Variants in PFDN4 observed in about 807,000 individuals in gnomAD.
The protein encoded by PFDN4 is prefoldin 4.
A neutral mutation model predicts 17.6 loss-of-function variants in PFDN4; 6 were observed. The ratio of observed to expected loss-of-function variants is 0.34; its 90% CI spans 0.19 to 0.67. The LOEUF is 0.67. PFDN4 is among the 30% of genes least tolerant of loss of function. The pLI is 0.68. For synonymous variants in PFDN4, 48 were observed against 51.1 expected (o/e 0.94, Z 0.26); for missense variants, 119 against 158.4 (o/e 0.75, Z 1.33).
intron 2 of PFDN4, 147 bp from the exon 3 acceptor site, chr20:54,215,153 A>G (rs2092760945): frequency 1.9e-6 from 1 of 528,942 alleles, no homozygotes; most frequent in Non-Finnish European, 3.4e-6. Flanking sequence ...TCTTCTAAAA[A>G]GTTACAAATT....
chr20:54,211,605 G>A (rs1219351760), intron 1 of PFDN4, among the ~76,000 whole-genome samples: 1 of 152,160 alleles, frequency 6.6e-6, no homozygotes, highest in Non-Finnish European at 1.5e-5. Flanking sequence ...CAAGGTTCCT[G>A]TTTGCTTGGA....
chr20:54,216,806 A>G (rs528653651), intron 3 of PFDN4, among the ~76,000 whole-genome samples: 21 of 151,614 alleles, frequency 1.4e-4, no homozygotes, highest in Admixed American at 8.6e-4. Flanking sequence ...ACAGGCGCCC[A>G]CCACCACGCC....
At chr20:54,212,777 G>T (rs756453006) in intron 1 of PFDN4, among the ~76,000 whole-genome samples, 6 of 152,264 alleles carry the variant, frequency 3.9e-5, no homozygotes, top group Non-Finnish European at 7.3e-5. Context: ...TTTGCGTAGG[G>T]AATTGACAGT....
At chr20:54,216,643 AT>A (rs2092762836) in intron 3 of PFDN4, among the ~76,000 whole-genome samples, 1 of 151,320 alleles carries the variant, frequency 6.6e-6, no homozygotes, top group Non-Finnish European at 1.5e-5. Context: ...CTTTTATTTT[AT>A]TTTATTTATT....
intron 1 of PFDN4, among the ~76,000 whole-genome samples, chr20:54,212,743 C>A (rs2092757649): frequency 6.6e-6 from 1 of 152,246 alleles, no homozygotes; most frequent in African/African-American, 2.4e-5. Context: ...CAAACAGGAA[C>A]TCTTCAGAAT....
chr20:54,219,681 C>A lies in PFDN4; in HGVS notation c.*531C>A, dbSNP rs2092767242. 1 of 397,764 alleles carries A rather than the reference C, an allele frequency of 2.5e-6. No homozygotes were observed. The highest frequency in any genetic ancestry group is 4.4e-6 in the Non-Finnish European group (1 of 225,840). The allele number at this position is 397,764 out of a possible 1,614,324, so 24.6% of individuals were successfully genotyped here. ...TATTTAACATTTTTTACATATCTATCAATATCAGAGATTTGGGTAAAAGAA... is the reference window on the plus strand; with the variant it reads ...TATTTAACATTTTTTACATATCTATAAATATCAGAGATTTGGGTAAAAGAA... On this transcript the variant is annotated 3_prime_UTR_variant, in exon 4 of 4. Transcript: ENST00000371419.
chr20:54,214,758 C>T (rs113330781), intron 2 of PFDN4, among the ~76,000 whole-genome samples: 1 of 152,168 alleles, frequency 6.6e-6, no homozygotes, highest in African/African-American at 2.4e-5. Context: ...AATGAGGAAG[C>T]CACCCTTGCA....
At chr20:54,215,651 A>G (rs908669815) in intron 3 of PFDN4, among the ~76,000 whole-genome samples, 2 of 152,358 alleles carry the variant, frequency 1.3e-5, no homozygotes, top group Non-Finnish European at 2.9e-5. Context: ...AGAGGCTTAG[A>G]GAGGTTATGG....
chr20:54,212,477 A>G (rs1013376245), intron 1 of PFDN4, among the ~76,000 whole-genome samples: 1 of 152,224 alleles, frequency 6.6e-6, no homozygotes, highest in Non-Finnish European at 1.5e-5. Context: ...ACAACAGGAA[A>G]TTCCTGCTTT....
Position 54,215,305 on chromosome 20 carries a change from A to G in PFDN4, c.138A>G (p.Gln46=), listed in dbSNP as rs776127127. 2.0e-5 allele frequency: 31 copies of G among 1,571,844 alleles called. No individual in the cohort carries two copies. The highest frequency in any genetic ancestry group is 2.6e-5 in the Non-Finnish European group (30 of 1,156,644). ...LKEEIEVKKK[Q]LQNLEDACDD... ...TTGCCATTTTGCATTTATAGAAACAACTCCAAAACCTAGAAGATGCTTGTG... is the reference window on the plus strand; with the variant it reads ...TTGCCATTTTGCATTTATAGAAACAGCTCCAAAACCTAGAAGATGCTTGTG... The change falls in exon 3 of 4, where the codon CAA becomes CAG. Residue 46 remains glutamine, a synonymous_variant. Transcript: ENST00000371419.
chr20:54,213,504 G>A lies in PFDN4; in HGVS notation c.25-847G>A, dbSNP rs149911389. Among the ~76,000 whole-genome samples the A allele has an allele frequency of 4.8e-3, 729 of 152,176 alleles. 5 individuals are homozygous for A. The highest frequency in any genetic ancestry group is 8.1e-3 in the Non-Finnish European group (550 of 68,018). ...TGACCTCTGAAGCCAGTCTGCCTGG[G>A]TTGAAATCAAGTTCCACCACCTACT... On this transcript the variant is annotated intron_variant, in intron 1 of 3. Coordinates refer to ENST00000371419, the MANE Select transcript of PFDN4 (RefSeq NM_002623.4).
At chr20:54,218,080 A>G (rs2092764988) in intron 3 of PFDN4, among the ~76,000 whole-genome samples, 1 of 152,062 alleles carries the variant, frequency 6.6e-6, no homozygotes, top group Non-Finnish European at 1.5e-5. Flanking sequence ...TTTGGTTTCT[A>G]ATGTTAGTGG....
intron 1 of PFDN4, among the ~76,000 whole-genome samples, chr20:54,212,313 C>G (rs1400226023): frequency 6.6e-6 from 1 of 152,184 alleles, no homozygotes; most frequent in Non-Finnish European, 1.5e-5. Context: ...GCACTGACAT[C>G]TTACTGTCTG....
chr20:54,210,616 T>G (rs929903409), intron 1 of PFDN4, among the ~76,000 whole-genome samples: 2 of 152,198 alleles, frequency 1.3e-5, no homozygotes, highest in African/African-American at 4.8e-5. Context: ...GATCTGCACT[T>G]TGATTTCTGT....
At chr20:54,210,546 G>A (rs1164081493) in intron 1 of PFDN4, among the ~76,000 whole-genome samples, 3 of 152,174 alleles carry the variant, frequency 2.0e-5, no homozygotes, top group Non-Finnish European at 4.4e-5. Flanking sequence ...TAGATGAGAT[G>A]ATTCAGTCCT....
intron 1 of PFDN4, among the ~76,000 whole-genome samples, chr20:54,213,805 A>AT (rs57477196): frequency 2.0e-5 from 3 of 152,156 alleles, no homozygotes; most frequent in Non-Finnish European, 4.4e-5. Context: ...AATTTTCATC[A>AT]TTTTTTAGTA....
chr20:54,218,627 G>T (rs1439017424), intron 3 of PFDN4, among the ~76,000 whole-genome samples: 1 of 152,138 alleles, frequency 6.6e-6, no homozygotes, highest in Admixed American at 6.5e-5. Flanking sequence ...GTGGTTGGTG[G>T]TGTGAGTTTC....
chr20:54,209,219 A>G (rs1391483099), intron 1 of PFDN4, among the ~76,000 whole-genome samples: 23 of 152,226 alleles, frequency 1.5e-4, no homozygotes, highest in Admixed American at 1.5e-3. Flanking sequence ...ATTTAAACAC[A>G]GGCATTCTGA....
At chr20:54,213,005 A>G (rs2146540223) in intron 1 of PFDN4, among the ~76,000 whole-genome samples, 1 of 152,354 alleles carries the variant, frequency 6.6e-6, no homozygotes, top group Middle Eastern at 3.4e-3. Flanking sequence ...TGAGAGCCTA[A>G]CAAAGGGGAG....
Sources: allele counts gnomAD v4.1 joint callset (sites outside exome capture counted in the v4.1 genomes callset), GRCh38; gene constraint gnomAD v4.1.1; transcripts MANE v1.5; gene names NCBI Gene and HGNC (gene_info 2026-07-23, HGNC 2026-07-21).